IL6ST: variants seen among roughly 807,000 people sequenced by gnomAD.
IL6ST encodes interleukin 6 cytokine family signal transducer, also known as interleukin-6 receptor subunit beta.
In IL6ST, 24 loss-of-function variants were observed where a neutral mutation model predicts 91.3. The observed-to-expected ratio is 0.26, with a 90% CI of 0.19 to 0.37. The LOEUF (loss-of-function observed/expected upper bound fraction) is 0.37. IL6ST is among the 10% of genes least tolerant of loss of function. The pLI is 1.00. For missense variants in IL6ST, 914 were observed against 1,078.5 expected, an observed-to-expected ratio of 0.85 and a Z score of 2.14; for synonymous variants, 351 against 373.6, an observed-to-expected ratio of 0.94 and a Z score of 0.70.
chr5:55,968,420 T>C, intron 4 of IL6ST, 24 bp from the exon 5 acceptor site: 1 of 1,605,096 alleles, frequency 6.2e-7, no homozygotes, highest in Non-Finnish European at 8.5e-7. Flanking sequence ...ATTAGCATCT[T>C]TCAGAAAGCT....
At chr5:55,992,670 T>G (rs779192748) in intron 1 of IL6ST, among the ~76,000 whole-genome samples, 2 of 152,208 alleles carry the variant, frequency 1.3e-5, no homozygotes, top group Non-Finnish European at 2.9e-5. Flanking sequence ...CATTCTACAT[T>G]TTGTCCTCCA....
intron 1 of IL6ST, among the ~76,000 whole-genome samples, chr5:55,991,250 T>C (rs553309319): frequency 1.3e-5 from 2 of 152,336 alleles, no homozygotes; most frequent in East Asian, 1.9e-4. Flanking sequence ...CCTTTGGGTA[T>C]ATGCCCAGTA....
rs1754558995 is a variant in IL6ST, at chr5:55,994,793, C to G, written c.-113G>C. On this transcript the variant is annotated 5_prime_UTR_variant, in exon 1 of 17. Coordinates refer to ENST00000381298, the MANE Select transcript of IL6ST (RefSeq NM_002184.4). ...CCCGGCCCCTCCTCACCTCAGGCCG[C>G]GCCGCCTCGACCCTCCGCGTCTCCA... 6.5e-6 allele frequency: 1 copy of G among 152,686 alleles called. No homozygotes were observed. Among genetic ancestry groups the G allele is most frequent in the African/African-American group, 2.4e-5 (1 of 41,442 alleles). The allele number at this position is 152,686 out of a possible 1,614,324, so 9.5% of individuals were successfully genotyped here.
Position 55,940,900 on chromosome 5 carries a change from G to A in IL6ST, c.*182C>T, listed in dbSNP as rs1750860209. 1.7e-6 allele frequency: 1 copy of A among 603,356 alleles called. No individual in the cohort carries two copies. Among genetic ancestry groups the A allele is most frequent in the Non-Finnish European group, 2.9e-6 (1 of 343,890 alleles). The allele number at this position is 603,356 out of a possible 1,614,324, so 37.4% of individuals were successfully genotyped here. ...AAAGTCAGTTTATGTAGTGCTTAAA[G>A]TAGAATCCCAGATATTCTGGAATGG... is the stretch of plus-strand genomic sequence containing the variant. On this transcript the variant is annotated 3_prime_UTR_variant, in exon 17 of 17. Coordinates refer to ENST00000381298, the MANE Select transcript of IL6ST (RefSeq NM_002184.4).
chr5:55,940,770 C>G lies in IL6ST; in HGVS notation c.*312G>C, dbSNP rs1346874458. ...TTATTATTCAAATACCTTCTGTTTTCTATGTAGCAAAACAAAAAGTTTTAT... is the reference window on the plus strand; with the variant it reads ...TTATTATTCAAATACCTTCTGTTTTGTATGTAGCAAAACAAAAAGTTTTAT... On this transcript the variant is annotated 3_prime_UTR_variant, in exon 17 of 17. Coordinates refer to ENST00000381298, the MANE Select transcript of IL6ST (RefSeq NM_002184.4). 6.1e-6 allele frequency: 2 copies of G among 328,414 alleles called. No individual in the cohort carries two copies. Among genetic ancestry groups the G allele is most frequent in the African/African-American group, 4.2e-5 (2 of 47,338 alleles). The allele number at this position is 328,414 out of a possible 1,614,324, so 20.3% of individuals were successfully genotyped here. A position where few individuals can be genotyped will look rare whatever the true frequency, so the allele number is the denominator to read the frequency against.
chr5:55,985,616 A>T (rs1753921198), intron 1 of IL6ST, among the ~76,000 whole-genome samples: 1 of 152,180 alleles, frequency 6.6e-6, no homozygotes, highest in African/African-American at 2.4e-5. Flanking sequence ...AGTTATTTCA[A>T]GTTAATATTT....
chr5:55,935,300 A>C lies in IL6ST; in HGVS notation c.*5782T>G, dbSNP rs1448972047. 2.1e-5 allele frequency: 4 copies of C among 193,366 alleles called. No individual in the cohort carries two copies. Among genetic ancestry groups the C allele is most frequent in the African/African-American group, 9.3e-5 (4 of 43,208 alleles). 12.0% of individuals were successfully genotyped at this position (193,366 alleles called of 1,614,324 possible). On this transcript the variant is annotated 3_prime_UTR_variant, in exon 17 of 17. Coordinates refer to ENST00000381298, the MANE Select transcript of IL6ST (RefSeq NM_002184.4). ...ATACACTTTTTTGACATGTAAAATG[A>C]CATAACCATAGTCACAGGGAATAAA... is the stretch of plus-strand genomic sequence containing the variant.
chr5:55,973,991 A>G (rs1753117404), intron 3 of IL6ST, among the ~76,000 whole-genome samples: 1 of 152,242 alleles, frequency 6.6e-6, no homozygotes, highest in Non-Finnish European at 1.5e-5. Flanking sequence ...TATTTAGGTA[A>G]TAAGAAATAT....
At chr5:55,942,463 A>C (rs1388948746) in intron 16 of IL6ST, among the ~76,000 whole-genome samples, 2 of 152,208 alleles carry the variant, frequency 1.3e-5, no homozygotes, top group African/African-American at 4.8e-5. Flanking sequence ...ATGGTGATAA[A>C]ACCCCTAAAA....
rs1382755313 is a variant in IL6ST at position 55,936,675 on chromosome 5, ATTTAC to A, written c.*4402_*4406del. On this transcript the variant is annotated 3_prime_UTR_variant, in exon 17 of 17. Coordinates refer to ENST00000381298, the MANE Select transcript of IL6ST (RefSeq NM_002184.4). ...TTTGAACAAGTATTTATTTCTTAAA[ATTTAC>A]TTAAGGGATTAGAGCTAATATATAA... 4 of 193,930 alleles carry A rather than the reference ATTTAC, an allele frequency of 2.1e-5. No individual in the cohort carries two copies. Among genetic ancestry groups the A allele is most frequent in the African/African-American group, 9.3e-5 (4 of 43,232 alleles). The allele number at this position is 193,930 out of a possible 1,614,324, so 12.0% of individuals were successfully genotyped here. A position where few individuals can be genotyped will look rare whatever the true frequency, so the allele number is the denominator to read the frequency against.
In IL6ST at chr5:55,941,138, T is replaced by G. The variant is rs775953976; in HGVS notation, c.2701A>C (p.Met901Leu). The change falls in exon 17 of 17, where the codon ATG becomes CTG. Residue 901 changes from methionine (M) to leucine (L), a missense_variant. Physicochemically the swap from Met to Leu is conservative, Grantham distance 15 (BLOSUM62 2). Transcript: ENST00000381298. Reference protein sequence around the residue: ...VGMEAATDEGMPKSYLPQTVR... With the variant: ...VGMEAATDEGLPKSYLPQTVR... Reference sequence around the variant, plus strand: ...GTCTGTGGTAAGTAACTTTTAGGCATGCCTTCATCAGTCGCAGCCTCCATG... The same window carrying G: ...GTCTGTGGTAAGTAACTTTTAGGCAGGCCTTCATCAGTCGCAGCCTCCATG... 8 of 1,614,060 alleles carry G rather than the reference T, an allele frequency of 5.0e-6. No individual in the cohort carries two copies. Among genetic ancestry groups the G allele is most frequent in the Non-Finnish European group, 6.8e-6 (8 of 1,179,914 alleles).
At chr5:55,954,738 A>G (rs1050696432) in intron 11 of IL6ST, 72 bp downstream of exon 11, 13 of 1,192,258 alleles carry the variant, frequency 1.1e-5, no homozygotes, top group Admixed American at 9.1e-5. Flanking sequence ...CCAAAACACT[A>G]TAAGCAAAAG....
rs554775919 is a variant in IL6ST at position 55,956,142 on chromosome 5, C to T, written c.1150G>A (p.Ala384Thr). Residue 384 changes from alanine (A) to threonine (T), a missense_variant, in exon 10 of 17, where the codon GCC becomes ACC. Transcript: ENST00000381298. ...GTGAGATTTACTGTCAGTTTTGTGG[C>T]ATTAACTGTGTAATTTTGTAAATGT... ...KSHLQNYTVNATKLTVNLTND... is the reference protein window; with the variant it reads ...KSHLQNYTVNTTKLTVNLTND... 1 of 1,611,614 alleles carries T rather than the reference C, an allele frequency of 6.2e-7. No homozygotes were observed. Among genetic ancestry groups the T allele is most frequent in the South Asian group, 1.1e-5 (1 of 91,036 alleles).
intron 1 of IL6ST, among the ~76,000 whole-genome samples, chr5:55,990,406 T>C (rs1016994278): frequency 1.3e-5 from 2 of 152,236 alleles, no homozygotes; most frequent in African/African-American, 4.8e-5. Context: ...GGTTTCTATG[T>C]AACCAGATAA....
rs1469824540 is a variant in IL6ST at position 55,979,156 on chromosome 5, C to T, written c.-15-2863G>A. Reference sequence around the variant, plus strand: ...CCTGTCATATCAGCACTTTGGGAGGCTGAGGGGGAAGAATTGCTTGAGGCC... The same window carrying T: ...CCTGTCATATCAGCACTTTGGGAGGTTGAGGGGGAAGAATTGCTTGAGGCC... On this transcript the variant is annotated intron_variant, in intron 2 of 16. Coordinates refer to ENST00000381298, the MANE Select transcript of IL6ST (RefSeq NM_002184.4). Among the ~76,000 whole-genome samples the T allele has an allele frequency of 2.6e-5, 4 of 152,146 alleles. No individual in the cohort carries two copies. The East Asian group carries it at 5.8e-4, about 22-fold the overall frequency.
chr5:55,966,982 T>C (rs922328007), intron 5 of IL6ST, among the ~76,000 whole-genome samples: 1 of 150,634 alleles, frequency 6.6e-6, no homozygotes, highest in Non-Finnish European at 1.5e-5. Context: ...CCAAATCTGA[T>C]GAAATCTGTA....
rs748024777 is a variant in IL6ST at position 55,957,249 on chromosome 5, G to T, written c.1016C>A (p.Ser339Tyr). The T allele has an allele frequency of 1.3e-5, 20 of 1,569,672 alleles. No individual in the cohort carries two copies. In the Admixed American group the frequency reaches 3.5e-4, roughly 27 times the overall value. ...TACAGTTCTGTAGCCTTGAGTATGG[G>T]ATGGATCTATTTTATACCAGAAACT... is the stretch of plus-strand genomic sequence containing the variant. ...APSFWYKIDP[S>Y]HTQGYRTVQL... Residue 339 changes from serine (S) to tyrosine (Y), a missense_variant, in exon 9 of 17, where the codon TCC becomes TAC. By Grantham distance (144) the Ser-to-Tyr change is moderately radical. Coordinates refer to ENST00000381298, the MANE Select transcript of IL6ST (RefSeq NM_002184.4).
intron 2 of IL6ST, among the ~76,000 whole-genome samples, chr5:55,979,763 C>T (rs970304264): frequency 6.6e-6 from 1 of 152,202 alleles, no homozygotes; most frequent in Non-Finnish European, 1.5e-5. Context: ...AAAACACACA[C>T]ATTTGATTCT....
At chr5:55,943,881 C>A (rs930740060) in intron 15 of IL6ST, among the ~76,000 whole-genome samples, 1 of 152,044 alleles carries the variant, frequency 6.6e-6, no homozygotes, top group Non-Finnish European at 1.5e-5. Flanking sequence ...ACCAGCCTGG[C>A]CAACATGGTG....
Sources: gnomAD v4.1 joint callset for allele counts (sites outside exome capture counted in the v4.1 genomes callset) on GRCh38, gnomAD v4.1.1 for gene constraint, MANE v1.5 for transcripts, NCBI Gene and HGNC (gene_info 2026-07-23, HGNC 2026-07-21) for gene names.